The following FIRRM variants were observed in gnomAD, a reference collection of about 807,000 sequenced individuals.
FIRRM encodes the protein FIGNL1-interacting regulator of recombination and mitosis.
the FIRRM span, among the ~76,000 whole-genome samples, chr1:169,823,718 A>C: frequency 6.6e-6 from 1 of 152,140 alleles, no homozygotes; most frequent in African/African-American, 2.4e-5. Context: ...ATAAAATCCA[A>C]TGGCAAATAT....
At chr1:169,811,807 A>G in the FIRRM span, among the ~76,000 whole-genome samples, 1 of 150,826 alleles carries the variant, frequency 6.6e-6, no homozygotes, top group Non-Finnish European at 1.5e-5. Flanking sequence ...CTAAATAGAT[A>G]ATAGACAGAT....
At chr1:169,851,045 CTTTTTTTTTTTTTTT>C in the FIRRM span, 1 of 17,312 alleles carries the variant, frequency 5.8e-5, no homozygotes, top group Non-Finnish European at 1.0e-4. Flanking sequence ...GCTCAGGGCC[CTTTTTTTTTTTTTTT>C]TTTTTTTTTT....
the FIRRM span, among the ~76,000 whole-genome samples, chr1:169,831,379 A>G: frequency 6.6e-6 from 1 of 152,086 alleles, no homozygotes; most frequent in African/African-American, 2.4e-5. Flanking sequence ...TATGTGGGCC[A>G]TACATCTTTT....
the FIRRM span, chr1:169,830,439 A>C: frequency 9.0e-7 from 1 of 1,109,702 alleles, no homozygotes. Flanking sequence ...AACTGTTTCA[A>C]TAATCCTTTA....
chr1:169,835,632 T>C, the FIRRM span, among the ~76,000 whole-genome samples: 1 of 152,228 alleles, frequency 6.6e-6, no homozygotes, highest in Non-Finnish European at 1.5e-5. Flanking sequence ...GTCTTTAGAA[T>C]TGTGTTGAAA....
At chr1:169,852,118 A>G in the FIRRM span, 13 of 706,872 alleles carry the variant, frequency 1.8e-5, no homozygotes, top group East Asian at 2.7e-5. Context: ...GGACTACACC[A>G]TATCAAATAT....
the FIRRM span, among the ~76,000 whole-genome samples, chr1:169,808,303 A>T: frequency 6.6e-6 from 1 of 152,310 alleles, no homozygotes; most frequent in Admixed American, 6.5e-5. Context: ...TCACCAACGC[A>T]TTGCGACCTT....
At chr1:169,850,091 T>G in the FIRRM span, 1 of 584,272 alleles carries the variant, frequency 1.7e-6, no homozygotes, top group Non-Finnish European at 3.0e-6. Context: ...CAGAAGTTAA[T>G]TTTGTATTAT....
the FIRRM span, among the ~76,000 whole-genome samples, chr1:169,797,844 G>T: frequency 6.6e-6 from 1 of 152,078 alleles, no homozygotes; most frequent in Non-Finnish European, 1.5e-5. Context: ...GCCCGGCCGG[G>T]TTATTCATTT....
chr1:169,824,040 A>T, the FIRRM span, among the ~76,000 whole-genome samples: 1 of 152,210 alleles, frequency 6.6e-6, no homozygotes, highest in Non-Finnish European at 1.5e-5. Context: ...TTGCAGCTTC[A>T]TAATTCATTT....
chr1:169,843,873 GT>G, the FIRRM span: 1 of 684,370 alleles, frequency 1.5e-6, no homozygotes, highest in East Asian at 2.7e-5. Flanking sequence ...ACCTCCTCTT[GT>G]TGTGTCATAT....
chr1:169,806,042 A>C, the FIRRM span: 8 of 1,603,180 alleles, frequency 5.0e-6, no homozygotes, highest in Non-Finnish European at 6.8e-6. Context: ...TGTTATTTCC[A>C]GTATGGACCA....
At chr1:169,787,305 C>A in the FIRRM span, among the ~76,000 whole-genome samples, 20 of 152,294 alleles carry the variant, frequency 1.3e-4, no homozygotes, top group African/African-American at 4.8e-4. Flanking sequence ...TTTAGTTAGG[C>A]TTCTGGGCTT....
chr1:169,805,811 T>C, the FIRRM span, among the ~76,000 whole-genome samples: 2 of 152,240 alleles, frequency 1.3e-5, no homozygotes, highest in African/African-American at 4.8e-5. Flanking sequence ...ATATTCAATA[T>C]TTATAAAAAC....
At chr1:169,820,090 TG>T in the FIRRM span, among the ~76,000 whole-genome samples, 2 of 152,242 alleles carry the variant, frequency 1.3e-5, no homozygotes, top group South Asian at 4.1e-4. Context: ...TACTGCCATG[TG>T]GTTACAAGGT....
At chr1:169,828,163 AC>A in the FIRRM span, among the ~76,000 whole-genome samples, 2 of 152,320 alleles carry the variant, frequency 1.3e-5, no homozygotes, top group East Asian at 3.9e-4. Context: ...AGAACACTAG[AC>A]ACTGTAAGGT....
chr1:169,815,387 C>G, the FIRRM span, among the ~76,000 whole-genome samples: 1 of 151,910 alleles, frequency 6.6e-6, no homozygotes, highest in Non-Finnish European at 1.5e-5. Flanking sequence ...TGGCCATTTC[C>G]TGATTTATAT....
chr1:169,804,864 G>A, the FIRRM span, among the ~76,000 whole-genome samples: 1 of 152,026 alleles, frequency 6.6e-6, no homozygotes, highest in Non-Finnish European at 1.5e-5. Flanking sequence ...TGTATTTTTA[G>A]TAGAGACAGG....
At chr1:169,839,656 T>A in the FIRRM span, among the ~76,000 whole-genome samples, 15 of 152,224 alleles carry the variant, frequency 9.9e-5, no homozygotes, top group African/African-American at 3.4e-4. Flanking sequence ...CTTTGTCACA[T>A]GCATAGTTTG....
Sources: gnomAD v4.1 joint callset for allele counts (sites outside exome capture counted in the v4.1 genomes callset) on GRCh38, gnomAD v4.1.1 for gene constraint, MANE v1.5 for transcripts, NCBI Gene and HGNC (gene_info 2026-07-23, HGNC 2026-07-21) for gene names.